The following SLC14A2 variants were observed in gnomAD, a reference collection of about 807,000 sequenced individuals.
The protein encoded by SLC14A2 is solute carrier family 14 member 2, also known as urea transporter 2.
In SLC14A2, 91 loss-of-function variants were observed where a neutral mutation model predicts 104.6. The observed-to-expected ratio is 0.87, with a 90% CI of 0.73 to 1.04. The LOEUF is 1.04. SLC14A2 is among the 50% of genes least tolerant of loss of function. The pLI, the probability that SLC14A2 is intolerant of heterozygous loss-of-function variation, is 0.00. For synonymous variants in SLC14A2, 476 were observed against 466.4 expected (o/e 1.02, Z -0.27); for missense variants, 1,189 against 1,156.0 (o/e 1.03, Z -0.41).
intron 9 of SLC14A2, 90 bp from the exon 10 acceptor site, chr18:45,643,896 C>A: frequency 8.8e-7 from 1 of 1,135,096 alleles, no homozygotes; most frequent in Non-Finnish European, 1.3e-6. Flanking sequence ...TCTCCATCCT[C>A]AACGCCTGTC....
chr18:45,231,441 G>C (rs373236363), intron 1 of SLC14A2, among the ~76,000 whole-genome samples: 2 of 152,064 alleles, frequency 1.3e-5, no homozygotes, highest in African/African-American at 2.4e-5. Flanking sequence ...GGCCTCAAGC[G>C]ATCTTCCTGC....
At chr18:45,522,083 T>C (rs79258264) in intron 2 of SLC14A2, among the ~76,000 whole-genome samples, 13,283 of 152,280 alleles carry the variant, frequency 0.087, 706 homozygotes, top group Non-Finnish European at 0.12. Context: ...AAGGCAGTTA[T>C]GTGCCTTTCT....
At chr18:45,617,133 C>A (rs373902092) in intron 1 of SLC14A2, among the ~76,000 whole-genome samples, 1 of 152,084 alleles carries the variant, frequency 6.6e-6, no homozygotes, top group African/African-American at 2.4e-5. Context: ...AAGGGTGTGA[C>A]GATCTCCTAT....
intron 1 of SLC14A2, among the ~76,000 whole-genome samples, chr18:45,352,054 GT>G (rs1447610386): frequency 1.7e-4 from 26 of 152,194 alleles, no homozygotes; most frequent in Non-Finnish European, 2.9e-5. Flanking sequence ...TGAGGAAGTC[GT>G]GGACAGGGCT....
intron 1 of SLC14A2, among the ~76,000 whole-genome samples, chr18:45,244,352 C>T (rs1012716783): frequency 1.3e-5 from 2 of 151,952 alleles, no homozygotes; most frequent in Non-Finnish European, 2.9e-5. Context: ...TGGTGCTGGG[C>T]GCAGTGGCTC....
At chr18:45,342,134 C>A (rs1390494387) in intron 1 of SLC14A2, among the ~76,000 whole-genome samples, 1 of 152,138 alleles carries the variant, frequency 6.6e-6, no homozygotes, top group Non-Finnish European at 1.5e-5. Context: ...TACATTTCCC[C>A]TAGGAACGAG....
intron 2 of SLC14A2, among the ~76,000 whole-genome samples, chr18:45,490,120 A>T (rs2087693878): frequency 6.6e-6 from 1 of 152,230 alleles, no homozygotes; most frequent in African/African-American, 2.4e-5. Flanking sequence ...TTATTAAAAG[A>T]TTAATCAAAA....
intron 2 of SLC14A2, among the ~76,000 whole-genome samples, chr18:45,555,700 T>C (rs984563459): frequency 3.3e-5 from 5 of 152,232 alleles, no homozygotes; most frequent in African/African-American, 1.2e-4. Flanking sequence ...TGAGTGGATG[T>C]ATTTGAGGCC....
In SLC14A2 at chr18:45,644,106, A is replaced by G. The variant is rs1599110223; in HGVS notation, c.1297A>G (p.Asn433Asp). ...CAGCAAAGTCACCTACCCCGAGGCCAACCGCATCTACTACCTGACAGTGAA... is the reference window on the plus strand; with the variant it reads ...CAGCAAAGTCACCTACCCCGAGGCCGACCGCATCTACTACCTGACAGTGAA... Reference protein sequence around the residue: ...PLSKVTYPEANRIYYLTVKSG... With the variant: ...PLSKVTYPEADRIYYLTVKSG... The change falls in exon 10 of 20, where the codon AAC becomes GAC. Residue 433 changes from asparagine to aspartate, a missense_variant. Transcript: ENST00000255226. 1.2e-6 allele frequency: 2 copies of G among 1,614,230 alleles called. No homozygotes were observed. Among genetic ancestry groups the G allele is most frequent in the East Asian group, 2.2e-5 (1 of 44,890 alleles).
At chr18:45,195,020 A>G in the SLC14A2 span, among the ~76,000 whole-genome samples, 8,167 of 152,280 alleles carry the variant, frequency 0.054, 258 homozygotes, top group Non-Finnish European at 0.066. Flanking sequence ...GCAGAGAAAG[A>G]AGAAACTTCT....
At chr18:45,242,131 A>C (rs1249296411) in intron 1 of SLC14A2, among the ~76,000 whole-genome samples, 1 of 152,052 alleles carries the variant, frequency 6.6e-6, no homozygotes, top group East Asian at 1.9e-4. Flanking sequence ...GTCCTGGGGG[A>C]GGTGGCTTGA....
At chr18:45,205,398 T>A in the SLC14A2 span, among the ~76,000 whole-genome samples, 2 of 152,226 alleles carry the variant, frequency 1.3e-5, no homozygotes, top group Non-Finnish European at 2.9e-5. Context: ...GACTTCATGC[T>A]GTAAGTTGCA....
intron 1 of SLC14A2, among the ~76,000 whole-genome samples, chr18:45,477,245 A>G (rs1458870220): frequency 2.0e-5 from 3 of 152,156 alleles, no homozygotes; most frequent in Non-Finnish European, 4.4e-5. Flanking sequence ...GCCCCTCTGC[A>G]GCAGGTCTGC....
chr18:45,234,020 T>TA (rs1489804610), intron 1 of SLC14A2, among the ~76,000 whole-genome samples: 4 of 151,988 alleles, frequency 2.6e-5, no homozygotes, highest in African/African-American at 9.7e-5. Context: ...CTAGACTACT[T>TA]ACAGCCTTCC....
intron 1 of SLC14A2, among the ~76,000 whole-genome samples, chr18:45,399,232 C>T (rs1446008651): frequency 6.6e-6 from 1 of 152,156 alleles, no homozygotes; most frequent in African/African-American, 2.4e-5. Flanking sequence ...TTATGCTACA[C>T]CTGGTAGAGC....
the SLC14A2 span, among the ~76,000 whole-genome samples, chr18:45,204,960 G>A: frequency 6.6e-6 from 1 of 152,178 alleles, no homozygotes; most frequent in Non-Finnish European, 1.5e-5. Flanking sequence ...GGCTGAGTGA[G>A]GAAATACCTG....
chr18:45,431,036 G>A (rs118096905), intron 1 of SLC14A2, among the ~76,000 whole-genome samples: 11 of 152,154 alleles, frequency 7.2e-5, no homozygotes, highest in Admixed American at 2.0e-4. Flanking sequence ...GAGATAAGAA[G>A]TATTGGATCT....
At position 45,231,440 on chromosome 18, in the gene SLC14A2, C is replaced by T. The variant is rs148008044; in HGVS notation, c.-125+18249C>T. On this transcript the variant is annotated intron_variant, in intron 1 of 20. Coordinates refer to the SLC14A2 transcript ENST00000586448. ...CAGGTCTTGAACCCCTGGCCTCAAG[C>T]GATCTTCCTGCCTTGGCCTCCCAAA... 5.5e-3 allele frequency among the ~76,000 whole-genome samples: 836 copies of T among 152,238 alleles called. 3 individuals carry two copies. Among genetic ancestry groups the T allele is most frequent in the Middle Eastern group, 0.027 (8 of 294 alleles).
chr18:45,678,956 T>TTTG lies in SLC14A2; in HGVS notation c.2513-17_2513-16insGTT. ...AATAGTTACTGGTCTATTTCTTTCT[T>TTTG]TTTTTTTTTTTTTTCTAGCACTGTT... On this transcript the variant is annotated intron_variant, in intron 18 of 19. Coordinates refer to ENST00000255226, the MANE Select transcript of SLC14A2 (RefSeq NM_007163.4). 7.9e-7 allele frequency: 1 copy of TTTG among 1,261,698 alleles called. No homozygotes were observed. The highest frequency in any genetic ancestry group is 1.5e-5 in the South Asian group (1 of 64,584). 78.2% of individuals were successfully genotyped at this position (1,261,698 alleles called of 1,614,324 possible). A position where few individuals can be genotyped will look rare whatever the true frequency, so the allele number is the denominator to read the frequency against.
Sources: gnomAD v4.1 joint callset for allele counts (sites outside exome capture counted in the v4.1 genomes callset) on GRCh38, gnomAD v4.1.1 for gene constraint, MANE v1.5 for transcripts, NCBI Gene and HGNC (gene_info 2026-07-23, HGNC 2026-07-21) for gene names.